NPHP3: variants seen among roughly 807,000 people sequenced by gnomAD.
The protein encoded by NPHP3 is nephrocystin 3.
Under a neutral mutation model 171.9 loss-of-function variants are expected in NPHP3, and 123 were observed. The ratio of observed to expected loss-of-function variants is 0.72; its 90% CI spans 0.62 to 0.83. The LOEUF (loss-of-function observed/expected upper bound fraction) is 0.83, where lower values mean the gene tolerates loss of function less well. NPHP3 is among the 40% of genes least tolerant of loss of function. NPHP3 has a pLI of 0.00. For synonymous variants in NPHP3, 558 were observed against 579.2 expected (o/e 0.96, Z 0.52); for missense variants, 1,506 against 1,591.9 (o/e 0.95, Z 0.92).
intron 17 of NPHP3, among the ~76,000 whole-genome samples, chr3:132,692,144 T>C (rs760762523): frequency 1.3e-5 from 2 of 152,222 alleles, no homozygotes; most frequent in Non-Finnish European, 2.9e-5. Flanking sequence ...TAATATGCTG[T>C]GCAGGTTTGT....
At chr3:132,718,955 A>G in intron 3 of NPHP3, 39 bp downstream of exon 3, 10 of 1,610,150 alleles carry the variant, frequency 6.2e-6, no homozygotes, top group Non-Finnish European at 8.5e-6. Flanking sequence ...CATTACAGCC[A>G]TGTTGAAAGC....
intron 19 of NPHP3, among the ~76,000 whole-genome samples, chr3:132,690,110 C>T (rs889181836): frequency 2.3e-4 from 35 of 152,262 alleles, no homozygotes; most frequent in African/African-American, 8.2e-4. Context: ...CAACACCAGA[C>T]ATAGAAAGTA....
At position 132,688,679 on chromosome 3, in the gene NPHP3, T is replaced by G; in HGVS notation, c.3096A>C (p.Ala1032=). ...DHPYTARELE[A]LATLYQKQNK... is the part of the protein sequence containing the mutation. Reference sequence around the variant, plus strand: ...TTTGTTTCTGGTACAAAGTTGCAAGTGCTTCAAGTTCACGAGCAGTATATG... The same window carrying G: ...TTTGTTTCTGGTACAAAGTTGCAAGGGCTTCAAGTTCACGAGCAGTATATG... The change falls in exon 21 of 27, where the codon GCA becomes GCC. Residue 1032 remains alanine, a synonymous_variant. Coordinates refer to ENST00000337331, the MANE Select transcript of NPHP3 (RefSeq NM_153240.5). 2 of 1,614,162 alleles carry G rather than the reference T, an allele frequency of 1.2e-6. No individual in the cohort carries two copies. Among genetic ancestry groups the G allele is most frequent in the Non-Finnish European group, 1.7e-6 (2 of 1,179,976 alleles).
intron 18 of NPHP3, 44 bp downstream of exon 18, chr3:132,691,148 G>T: frequency 7.5e-7 from 1 of 1,329,586 alleles, no homozygotes; most frequent in Non-Finnish European, 1.1e-6. Context: ...CAAAGGTAGT[G>T]TGTTGCAGAA....
chr3:132,721,877 C>T (rs1576690971), intron 1 of NPHP3, 86 bp downstream of exon 1: 1 of 1,532,278 alleles, frequency 6.5e-7, no homozygotes, highest in East Asian at 2.3e-5. Flanking sequence ...TTCCGCCGAA[C>T]TTTCAAAGCC....
chr3:132,709,417 G>A (rs962730474), intron 6 of NPHP3, among the ~76,000 whole-genome samples: 12 of 151,532 alleles, frequency 7.9e-5, no homozygotes, highest in Non-Finnish European at 1.2e-4. Flanking sequence ...CGAGTAGCTA[G>A]GCCCACAGGC....
rs763611550 is a variant in NPHP3 at position 132,722,239 on chromosome 3, G to A, written c.117C>T (p.Arg39=). 8.3e-6 allele frequency: 13 copies of A among 1,559,770 alleles called. No individual in the cohort carries two copies. In the South Asian group the frequency reaches 1.5e-4, roughly 18 times the overall value. The change falls in exon 1 of 27, where the codon CGC becomes CGT. Residue 39 remains arginine (R), a synonymous_variant. Transcript: ENST00000337331. ...EIPVEVKPKA[R]LLRNSFRRGA... ...CTCGGCGGAACGAGTTGCGCAGCAG[G>A]CGGGCCTTGGGCTTCACCTCCACCG...
Position 132,682,088 on chromosome 3 carries a change from T to C in NPHP3, c.3815A>G (p.Tyr1272Cys), listed in dbSNP as rs181780825. ...AGCTTTTTCAAAATCTCCTCCTTCA[T>C]AGCTTTGAGAGAGAAAACAAAAACT... Reference protein sequence around the residue: ...ETLKNLAVLSYEGGDFEKAAE... With the variant: ...ETLKNLAVLSCEGGDFEKAAE... The change falls in exon 27 of 27, where the codon TAT becomes TGT. Residue 1272 changes from tyrosine to cysteine, a missense_variant and splice_region_variant. This residue lies in a region of NPHP3 where 569 missense variants were observed against 648.1 expected (regional missense o/e 0.88). Coordinates refer to ENST00000337331, the MANE Select transcript of NPHP3 (RefSeq NM_153240.5). 1.9e-6 allele frequency: 3 copies of C among 1,613,536 alleles called. No individual in the cohort carries two copies. The highest frequency in any genetic ancestry group is 2.5e-6 in the Non-Finnish European group (3 of 1,179,466).
intron 21 of NPHP3, 126 bp downstream of exon 21, chr3:132,688,524 C>T (rs1939217659): frequency 1.0e-6 from 1 of 997,200 alleles, no homozygotes; most frequent in African/African-American, 1.6e-5. Flanking sequence ...TCTCTGTTTA[C>T]CACATGAAGA....
At chr3:132,690,410 T>C (rs948796410) in intron 19 of NPHP3, 118 bp downstream of exon 19, 2 of 938,386 alleles carry the variant, frequency 2.1e-6, no homozygotes, top group African/African-American at 3.3e-5. Context: ...TCTCCTACAC[T>C]ATTTGTATTT....
Position 132,684,568 on chromosome 3 carries a change from A to G in NPHP3, c.3556T>C (p.Leu1186=), listed in dbSNP as rs1939108441. The part of the protein sequence containing the change: ...LAYTVKHLAI[L]YKKMGKLDKA... ...AGCTTACTTACCATTTTCTTATACA[A>G]GATGGCAAGATGCTTCACCGTATAT... is the stretch of plus-strand genomic sequence containing the variant. Residue 1186 remains leucine, a synonymous_variant, in exon 24 of 27, where the codon TTG becomes CTG. Transcript: ENST00000337331. 6.2e-7 allele frequency: 1 copy of G among 1,613,956 alleles called. No individual in the cohort carries two copies. The highest frequency in any genetic ancestry group is 8.5e-7 in the Non-Finnish European group (1 of 1,179,944).
At position 132,722,289 on chromosome 3, in the gene NPHP3, C is replaced by A; in HGVS notation, c.67G>T (p.Gly23Cys). 2.5e-6 allele frequency: 4 copies of A among 1,579,674 alleles called. No individual in the cohort carries two copies. The highest frequency in any genetic ancestry group is 3.4e-6 in the Non-Finnish European group (4 of 1,171,934). Residue 23 changes from glycine (G) to cysteine (C), a missense_variant, in exon 1 of 27, where the codon GGC (glycine) becomes TGC (cysteine). By Grantham distance (159) the Gly-to-Cys change is radical. This residue lies in a region of NPHP3 where 930 missense variants were observed against 924.9 expected (regional missense o/e 1.01). Transcript: ENST00000337331. ...GEVIEDTYGA[G>C]GGEACEIPVE... ...GGGATCTCGCAGGCCTCGCCGCCGC[C>A]CGCCCCGTACGTGTCCTCGATCACT...
At chr3:132,712,796 T>C (rs1939950137) in intron 6 of NPHP3, among the ~76,000 whole-genome samples, 1 of 151,678 alleles carries the variant, frequency 6.6e-6, no homozygotes, top group Non-Finnish European at 1.5e-5. Flanking sequence ...TTTATATATA[T>C]ATGAATGAAT....
Position 132,684,631 on chromosome 3 carries a change from G to A in NPHP3, c.3493C>T (p.Arg1165Trp), listed in dbSNP as rs1330141890. 11 of 1,613,834 alleles carry A rather than the reference G, an allele frequency of 6.8e-6. No homozygotes were observed. Among genetic ancestry groups the A allele is most frequent in the Admixed American group, 5.0e-5 (3 of 60,002 alleles). The change falls in exon 24 of 27, where the codon CGG becomes TGG. Residue 1165 changes from arginine (R) to tryptophan (W), a missense_variant. Transcript: ENST00000337331. ...EELYERALDIRRRALAPDHPS... is the reference protein window; with the variant it reads ...EELYERALDIWRRALAPDHPS... ...TGATCAGGAGCTAATGCACGTCTCC[G>A]AATATCTAAAGCTCTTTCATAAAGT...
chr3:132,698,316 C>T (rs192255712), intron 13 of NPHP3, among the ~76,000 whole-genome samples: 225 of 152,038 alleles, frequency 1.5e-3, no homozygotes, highest in Middle Eastern at 3.4e-3. Context: ...TCACTCTTGT[C>T]GTCCAGGCTG....
At position 132,704,157 on chromosome 3, in the gene NPHP3, T is replaced by C. The variant is rs374531699; in HGVS notation, c.1524+41A>G. ...ATACAATCATAATACAGCCTTTAAG[T>C]GGTGACAGATCTTTGTTGCAATAAT... On this transcript the variant is annotated intron_variant, in intron 9 of 26. Transcript: ENST00000337331. The C allele has an allele frequency of 4.5e-6, 7 of 1,562,794 alleles. No individual in the cohort carries two copies. The African/African-American group carries it at 8.1e-5, about 18-fold the overall frequency.
chr3:132,687,587 CA>C (rs1451923087), intron 21 of NPHP3, among the ~76,000 whole-genome samples: 2 of 152,152 alleles, frequency 1.3e-5, no homozygotes, highest in Admixed American at 6.5e-5. Flanking sequence ...AATGAAAAGT[CA>C]AAATTTCAGT....
intron 18 of NPHP3, 88 bp downstream of exon 18, chr3:132,691,104 T>A: frequency 9.8e-7 from 1 of 1,024,810 alleles, no homozygotes; most frequent in Non-Finnish European, 1.6e-6. Context: ...TTTTTGTACT[T>A]TAAGTTGTAA....
intron 16 of NPHP3, among the ~76,000 whole-genome samples, chr3:132,694,604 C>A (rs543166982): frequency 3.3e-4 from 50 of 152,072 alleles, no homozygotes; most frequent in African/African-American, 1.1e-3. Context: ...AAGACCTGAA[C>A]CAGCAATTCA....
Sources: allele counts gnomAD v4.1 joint callset (sites outside exome capture counted in the v4.1 genomes callset), GRCh38; gene constraint gnomAD v4.1.1; regional missense constraint gnomAD v4.1.1; transcripts MANE v1.5; gene names NCBI Gene and HGNC (gene_info 2026-07-23, HGNC 2026-07-21).